The following DUSP19 variants were observed in gnomAD, a reference collection of about 807,000 sequenced individuals.
The protein encoded by DUSP19 is dual specificity protein phosphatase 19.
A neutral mutation model predicts 16.6 loss-of-function variants in DUSP19; 14 were observed. The ratio of observed to expected loss-of-function variants is 0.84; its 90% CI spans 0.56 to 1.32. The LOEUF (loss-of-function observed/expected upper bound fraction) is 1.32. DUSP19 is among the 40% of genes most tolerant of loss of function. The pLI is 0.00. For synonymous variants in DUSP19, 81 were observed against 90.5 expected, an observed-to-expected ratio of 0.90 and a Z score of 0.59; for missense variants, 258 against 255.9, an observed-to-expected ratio of 1.01 and a Z score of -0.06.
intron 1 of DUSP19, among the ~76,000 whole-genome samples, chr2:183,080,661 A>G (rs142261753): frequency 5.6e-4 from 85 of 152,264 alleles, no homozygotes; most frequent in African/African-American, 2.0e-3. Flanking sequence ...TTTGCTTATT[A>G]CTATTATTTG....
intron 3 of DUSP19, among the ~76,000 whole-genome samples, chr2:183,087,964 G>A (rs1001949791): frequency 4.0e-5 from 6 of 151,564 alleles, no homozygotes; most frequent in African/African-American, 7.3e-5. Flanking sequence ...ACTGTTCTAC[G>A]TGCCTTCCTA....
At chr2:183,088,583 C>T (rs550371062) in intron 3 of DUSP19, among the ~76,000 whole-genome samples, 1 of 151,096 alleles carries the variant, frequency 6.6e-6, no homozygotes, top group South Asian at 2.1e-4. Context: ...CTGCCACACC[C>T]GGGTAATTTT....
rs929761441 is a variant in DUSP19 at position 183,098,071 on chromosome 2, T to G, written c.*2413T>G. The G allele has an allele frequency of 1.3e-5, 2 of 152,178 alleles. No individual in the cohort carries two copies. The highest frequency in any genetic ancestry group is 2.9e-5 in the Non-Finnish European group (2 of 68,052). 9.4% of individuals were successfully genotyped at this position (152,178 alleles called of 1,614,324 possible). ...CATGCCCAGCAAATTTTGTATTTTT[T>G]TTTGGTAGAGACAGGGTTCAACCAT... is the stretch of plus-strand genomic sequence containing the variant. On this transcript the variant is annotated 3_prime_UTR_variant, in exon 4 of 4. Coordinates refer to ENST00000354221, the MANE Select transcript of DUSP19 (RefSeq NM_080876.4).
intron 3 of DUSP19, among the ~76,000 whole-genome samples, chr2:183,087,808 C>G (rs557824982): frequency 1.8e-4 from 27 of 152,300 alleles, no homozygotes; most frequent in Admixed American, 1.6e-3. Context: ...TTCTGGAACA[C>G]CTAACAATGA....
At chr2:183,086,470 A>C (rs1174487743) in intron 2 of DUSP19, among the ~76,000 whole-genome samples, 1 of 151,948 alleles carries the variant, frequency 6.6e-6, no homozygotes, top group Non-Finnish European at 1.5e-5. Flanking sequence ...GAGAAAAACA[A>C]TCTCTAAATG....
chr2:183,080,984 G>A (rs1699585755), intron 1 of DUSP19, among the ~76,000 whole-genome samples: 1 of 152,162 alleles, frequency 6.6e-6, no homozygotes, highest in Non-Finnish European at 1.5e-5. Flanking sequence ...TTTGCAGGTT[G>A]GTTCTAAGAG....
At position 183,095,566 on chromosome 2, in the gene DUSP19, T is replaced by C. The variant is rs758873162; in HGVS notation, c.562T>C (p.Cys188Arg). ...GGTGAAAAATGCAAGACCTTCCATA[T>C]GTCCAAATTCTGGCTTCATGGAGCA... Reference protein sequence around the residue: ...SLVKNARPSICPNSGFMEQLR... With the variant: ...SLVKNARPSIRPNSGFMEQLR... The change falls in exon 4 of 4, where the codon TGT becomes CGT. Residue 188 changes from cysteine to arginine, a missense_variant. Physicochemically the swap from Cys to Arg is radical, Grantham distance 180 (BLOSUM62 -3). Transcript: ENST00000354221. 6.2e-7 allele frequency: 1 copy of C among 1,614,098 alleles called. No homozygotes were observed. Among genetic ancestry groups the C allele is most frequent in the Non-Finnish European group, 8.5e-7 (1 of 1,179,978 alleles).
Position 183,083,560 on chromosome 2 carries a change from A to C in DUSP19, c.273+6A>C. 1 of 1,610,086 alleles carries C rather than the reference A, an allele frequency of 6.2e-7. No individual in the cohort carries two copies. Among genetic ancestry groups the C allele is most frequent in the Non-Finnish European group, 8.5e-7 (1 of 1,178,052 alleles). ...ATACACTGAAAAAGAATAAGGTAAA[A>C]AAATGCTTTAAGTCTGGCACCATAT... On this transcript the variant is annotated splice_donor_region_variant and intron_variant, in intron 2 of 3. Coordinates refer to ENST00000354221, the MANE Select transcript of DUSP19 (RefSeq NM_080876.4).
At chr2:183,082,398 A>G (rs1263073527) in intron 1 of DUSP19, among the ~76,000 whole-genome samples, 1 of 149,740 alleles carries the variant, frequency 6.7e-6, no homozygotes, top group African/African-American at 2.5e-5. Context: ...TTTTATAACC[A>G]GATACATTGA....
rs1485550509 is a variant in DUSP19, at chr2:183,098,717, A to G, written c.*3059A>G. 2.0e-5 allele frequency: 3 copies of G among 152,240 alleles called. No homozygotes were observed. Among genetic ancestry groups the G allele is most frequent in the Non-Finnish European group, 2.9e-5 (2 of 68,026 alleles). 9.4% of individuals were successfully genotyped at this position (152,240 alleles called of 1,614,324 possible). A position where few individuals can be genotyped will look rare whatever the true frequency, so the allele number is the denominator to read the frequency against. On this transcript the variant is annotated 3_prime_UTR_variant, in exon 4 of 4. Transcript: ENST00000354221. The stretch of plus-strand genomic sequence containing the variant: ...CCGCAAACTGAAAAAGCTGAGTAGA[A>G]CAAAGGCAGTGGAGCATACAATACA...
chr2:183,088,397 GT>G (rs1229529381), intron 3 of DUSP19, among the ~76,000 whole-genome samples: 2,442 of 121,250 alleles, frequency 0.02, 34 homozygotes, highest in Non-Finnish European at 0.032. Context: ...TGTTTTTTGT[GT>G]TTTTTTTTTT....
chr2:183,090,864 G>A lies in DUSP19; in HGVS notation c.426+3672G>A, dbSNP rs894101499. 2.0e-5 allele frequency among the ~76,000 whole-genome samples: 3 copies of A among 152,298 alleles called. 1 individual carries two copies. The highest frequency in any genetic ancestry group is 4.1e-4 in the South Asian group (2 of 4,834). ...ATGGACCCTATGTACAGGCCCACCC[G>A]GCTGAGGCCAGCAGGCCTCTTGGCA... On this transcript the variant is annotated intron_variant, in intron 3 of 3. Transcript: ENST00000354221.
chr2:183,098,376 T>C lies in DUSP19; in HGVS notation c.*2718T>C, dbSNP rs1191184538. 1 of 152,230 alleles carries C rather than the reference T, an allele frequency of 6.6e-6. No homozygotes were observed. The highest frequency in any genetic ancestry group is 1.5e-5 in the Non-Finnish European group (1 of 68,034). The allele number at this position is 152,230 out of a possible 1,614,324, so 9.4% of individuals were successfully genotyped here. ...GATCAATGAATATAATTCAGTCTTTTAGGGGCACCAAGTAAAGCATAAGGT... is the reference window on the plus strand; with the variant it reads ...GATCAATGAATATAATTCAGTCTTTCAGGGGCACCAAGTAAAGCATAAGGT... On this transcript the variant is annotated 3_prime_UTR_variant, in exon 4 of 4. Coordinates refer to ENST00000354221, the MANE Select transcript of DUSP19 (RefSeq NM_080876.4).
chr2:183,083,463 G>C, intron 1 of DUSP19, 45 bp from the exon 2 acceptor site: 2 of 1,510,220 alleles, frequency 1.3e-6, no homozygotes, highest in Non-Finnish European at 1.8e-6. Context: ...AAAAGTTCAA[G>C]ATGATTATAT....
intron 3 of DUSP19, among the ~76,000 whole-genome samples, chr2:183,090,464 G>A (rs760770687): frequency 2.0e-5 from 3 of 152,134 alleles, no homozygotes; most frequent in Non-Finnish European, 4.4e-5. Flanking sequence ...TGTACAAAAG[G>A]TACAAAGTAT....
intron 1 of DUSP19, among the ~76,000 whole-genome samples, chr2:183,079,755 A>G (rs964503777): frequency 1.3e-5 from 2 of 152,246 alleles, no homozygotes; most frequent in Non-Finnish European, 2.9e-5. Flanking sequence ...ACAAATAGCA[A>G]ATGAAGCAAG....
At chr2:183,092,177 A>G (rs116805334) in intron 3 of DUSP19, among the ~76,000 whole-genome samples, 182 of 152,316 alleles carry the variant, frequency 1.2e-3, no homozygotes, top group African/African-American at 4.3e-3. Flanking sequence ...TTCCACTGCA[A>G]AATTCTTATT....
chr2:183,084,605 T>C (rs1222020947), intron 2 of DUSP19, among the ~76,000 whole-genome samples: 5 of 151,986 alleles, frequency 3.3e-5, no homozygotes, highest in Admixed American at 3.3e-4. Context: ...ATGAGCCAGA[T>C]CACAAAAGGC....
chr2:183,083,490 A>G lies in DUSP19; in HGVS notation c.227-18A>G, dbSNP rs2105497528. The G allele has an allele frequency of 6.3e-7, 1 of 1,595,808 alleles. No homozygotes were observed. ...TGATTATATTTGTGTTCAAGGTGGT[A>G]TCATTTATTTCTTCTAGGGTCACAA... is the stretch of plus-strand genomic sequence containing the variant. On this transcript the variant is annotated intron_variant, in intron 1 of 3. Transcript: ENST00000354221.
Sources: gnomAD v4.1 joint callset for allele counts (sites outside exome capture counted in the v4.1 genomes callset) on GRCh38, gnomAD v4.1.1 for gene constraint, MANE v1.5 for transcripts, NCBI Gene and HGNC (gene_info 2026-07-23, HGNC 2026-07-21) for gene names.